MIPOL1: variants seen among roughly 807,000 people sequenced by gnomAD.
MIPOL1 encodes mirror-image polydactyly gene 1 protein.
Under a neutral mutation model 60.9 loss-of-function variants are expected in MIPOL1, and 57 were observed. That is an observed-to-expected ratio of 0.94 (90% CI 0.76 to 1.17). The LOEUF (loss-of-function observed/expected upper bound fraction) is 1.17, where lower values mean the gene tolerates loss of function less well. MIPOL1 is among the 50% of genes most tolerant of loss of function. MIPOL1 has a pLI of 0.00. For synonymous variants in MIPOL1, 179 were observed against 168.8 expected (o/e 1.06, Z -0.47); for missense variants, 551 against 511.6 (o/e 1.08, Z -0.74).
At chr14:37,546,826 G>A (rs2095549226) in intron 12 of MIPOL1, 79 bp from the exon 13 acceptor site, 1 of 1,154,192 alleles carries the variant, frequency 8.7e-7, no homozygotes, top group African/African-American at 1.5e-5. Context: ...GGCAAATACT[G>A]TCCTTTATCA....
chr14:37,202,740 C>A (rs1234044514), intron 1 of MIPOL1, among the ~76,000 whole-genome samples: 1 of 152,226 alleles, frequency 6.6e-6, no homozygotes, highest in Non-Finnish European at 1.5e-5. Context: ...ACCGTACCTT[C>A]TCCCCTGCAT....
At chr14:37,536,780 T>G in intron 12 of MIPOL1, among the ~76,000 whole-genome samples, 1 of 152,220 alleles carries the variant, frequency 6.6e-6, no homozygotes, top group South Asian at 2.1e-4. Flanking sequence ...CAATTGTTAC[T>G]TTGACTATTT....
chr14:37,262,895 C>A (rs1352758032), intron 3 of MIPOL1, among the ~76,000 whole-genome samples: 1 of 152,110 alleles, frequency 6.6e-6, no homozygotes, highest in Non-Finnish European at 1.5e-5. Flanking sequence ...TACACAGATA[C>A]CAGTTGTCAC....
chr14:37,297,828 A>G (rs1160152873), intron 7 of MIPOL1, among the ~76,000 whole-genome samples: 2 of 152,058 alleles, frequency 1.3e-5, no homozygotes, highest in African/African-American at 4.8e-5. Context: ...ATGGAAGAAC[A>G]TTCCATGCTC....
chr14:37,228,985 AATAG>A (rs1970208032), intron 1 of MIPOL1, among the ~76,000 whole-genome samples: 1 of 152,228 alleles, frequency 6.6e-6, no homozygotes, highest in Non-Finnish European at 1.5e-5. Flanking sequence ...AAGAAAAGTT[AATAG>A]ATTGAAAATG....
chr14:37,476,284 ATTTG>A (rs1206640165), intron 11 of MIPOL1, among the ~76,000 whole-genome samples: 1 of 151,920 alleles, frequency 6.6e-6, no homozygotes, highest in Non-Finnish European at 1.5e-5. Context: ...GAGTTGTTTT[ATTTG>A]TTTGTTTGGT....
chr14:37,506,639 A>G (rs1437803458), intron 12 of MIPOL1: 1 of 152,228 alleles, frequency 6.6e-6, no homozygotes, highest in East Asian at 1.9e-4. Context: ...AAAACCATAA[A>G]AACTCTAGAA....
At chr14:37,501,198 T>G (rs1381707125) in intron 12 of MIPOL1, among the ~76,000 whole-genome samples, 1 of 152,234 alleles carries the variant, frequency 6.6e-6, no homozygotes, top group Non-Finnish European at 1.5e-5. Flanking sequence ...GTATTATATA[T>G]ATTTGTAAGT....
At chr14:37,256,437 T>C (rs1025600601) in intron 3 of MIPOL1, among the ~76,000 whole-genome samples, 3 of 151,960 alleles carry the variant, frequency 2.0e-5, no homozygotes, top group South Asian at 2.1e-4. Context: ...AAAGAAGTTA[T>C]AATTTGAAAG....
chr14:37,420,648 C>T (rs2093855879), intron 10 of MIPOL1, among the ~76,000 whole-genome samples: 6 of 152,126 alleles, frequency 3.9e-5, no homozygotes. Context: ...CTCCAACTTA[C>T]CCCCCAACAA....
chr14:37,247,739 C>T (rs1973405928), intron 2 of MIPOL1, 90 bp from the exon 3 acceptor site: 1 of 624,642 alleles, frequency 1.6e-6, no homozygotes, highest in African/African-American at 1.9e-5. Flanking sequence ...ACCATTTATC[C>T]TGTAAATTCT....
intron 9 of MIPOL1, among the ~76,000 whole-genome samples, chr14:37,345,872 A>G (rs991171432): frequency 1.3e-5 from 2 of 152,222 alleles, no homozygotes; most frequent in Non-Finnish European, 2.9e-5. Flanking sequence ...CGTATCTTAC[A>G]TGTGTATCTT....
At chr14:37,215,444 G>A (rs1044556966) in intron 1 of MIPOL1, among the ~76,000 whole-genome samples, 14 of 151,870 alleles carry the variant, frequency 9.2e-5, no homozygotes, top group Admixed American at 6.6e-4. Flanking sequence ...GGGGCTGGTC[G>A]CTACAGCTCA....
intron 9 of MIPOL1, among the ~76,000 whole-genome samples, chr14:37,365,258 G>T (rs974100832): frequency 3.9e-5 from 6 of 152,192 alleles, no homozygotes; most frequent in African/African-American, 1.4e-4. Flanking sequence ...AATAACAGTG[G>T]TGCAAGTGGG....
chr14:37,420,726 G>A (rs2093857262), intron 10 of MIPOL1, among the ~76,000 whole-genome samples: 1 of 152,072 alleles, frequency 6.6e-6, no homozygotes, highest in African/African-American at 2.4e-5. Context: ...GTGAATCCAA[G>A]AGTAGAAATG....
chr14:37,228,325 CTTTTTTTT>C (rs397961053), intron 1 of MIPOL1, among the ~76,000 whole-genome samples: 1 of 105,178 alleles, frequency 9.5e-6, no homozygotes, highest in Non-Finnish European at 2.1e-5. Context: ...TCTTTCTTTT[CTTTTTTTT>C]TTTTTTTTTT....
chr14:37,245,991 T>A (rs1232552047), intron 1 of MIPOL1, among the ~76,000 whole-genome samples: 1 of 152,140 alleles, frequency 6.6e-6, no homozygotes, highest in East Asian at 1.9e-4. Flanking sequence ...GTAGTACTTG[T>A]TAGTCTTTAC....
At chr14:37,275,362 G>A (rs2083576066) in intron 6 of MIPOL1, among the ~76,000 whole-genome samples, 1 of 151,008 alleles carries the variant, frequency 6.6e-6, no homozygotes, top group Non-Finnish European at 1.5e-5. Flanking sequence ...TTGCATTTTT[G>A]TTCTTTGAGT....
intron 3 of MIPOL1, among the ~76,000 whole-genome samples, chr14:37,261,195 T>G (rs1382890132): frequency 6.6e-6 from 1 of 152,076 alleles, no homozygotes; most frequent in Non-Finnish European, 1.5e-5. Flanking sequence ...GCATTCTATT[T>G]ATTTTTCATT....
Sources: gnomAD v4.1 joint callset for allele counts (sites outside exome capture counted in the v4.1 genomes callset) on GRCh38, gnomAD v4.1.1 for gene constraint, MANE v1.5 for transcripts, NCBI Gene and HGNC (gene_info 2026-07-23, HGNC 2026-07-21) for gene names.